CSMD1: variants seen among roughly 807,000 people sequenced by gnomAD.
CSMD1 encodes CUB and sushi domain-containing protein 1.
CSMD1 carries 213 observed loss-of-function variants against 417.5 expected under a neutral mutation model. The observed-to-expected ratio is 0.51, with a 90% CI of 0.46 to 0.57. CSMD1 has a LOEUF of 0.57. Ranked by LOEUF, CSMD1 falls within the 20% of genes least tolerant of loss-of-function variation. CSMD1 has a pLI of 0.00. For synonymous variants in CSMD1, 2,862 were observed against 1,736.8 expected (o/e 1.65, Z -16.11); for missense variants, 6,923 against 4,529.7 (o/e 1.53, Z -15.17).
intron 6 of CSMD1, among the ~76,000 whole-genome samples, chr8:3,741,758 G>A (rs1796815838): frequency 6.6e-6 from 1 of 152,068 alleles, no homozygotes; most frequent in Admixed American, 6.5e-5. Flanking sequence ...AGTGGTGGTT[G>A]AATTTATTTG....
chr8:3,972,161 T>G (rs1274825278), intron 5 of CSMD1, among the ~76,000 whole-genome samples: 1 of 152,076 alleles, frequency 6.6e-6, no homozygotes, highest in African/African-American at 2.4e-5. Flanking sequence ...TGAACCCCTG[T>G]GCCTGGCCCT....
intron 3 of CSMD1, among the ~76,000 whole-genome samples, chr8:4,124,662 T>C (rs1458239624): frequency 6.6e-6 from 1 of 152,182 alleles, no homozygotes; most frequent in Non-Finnish European, 1.5e-5. Context: ...AGGGACTAAG[T>C]GGCTAATCTG....
At chr8:3,881,307 T>G (rs1463078130) in intron 5 of CSMD1, among the ~76,000 whole-genome samples, 1 of 150,628 alleles carries the variant, frequency 6.6e-6, no homozygotes, top group Non-Finnish European at 1.5e-5. Context: ...AATATTTCCA[T>G]TGAAGCAAAG....
chr8:3,355,287 A>T (rs1432049020), intron 21 of CSMD1, among the ~76,000 whole-genome samples: 2 of 152,280 alleles, frequency 1.3e-5, no homozygotes, highest in East Asian at 3.9e-4. Flanking sequence ...TTTTTGTTCA[A>T]ATAATTCTGA....
chr8:3,334,313 G>A (rs1338662547), intron 23 of CSMD1, among the ~76,000 whole-genome samples: 1 of 152,184 alleles, frequency 6.6e-6, no homozygotes, highest in Non-Finnish European at 1.5e-5. Context: ...TTCAGCAGCT[G>A]TGTACACTTC....
chr8:2,973,679 A>T (rs950798608), intron 56 of CSMD1, among the ~76,000 whole-genome samples: 3 of 151,186 alleles, frequency 2.0e-5, no homozygotes, highest in Non-Finnish European at 4.4e-5. Flanking sequence ...AAAAAAAAAA[A>T]GTCAAAGGAG....
intron 5 of CSMD1, among the ~76,000 whole-genome samples, chr8:3,796,798 T>G (rs62479736): frequency 0.61 from 91,755 of 150,888 alleles, 29,239 homozygotes; most frequent in Middle Eastern, 0.72. Context: ...TCCATTCACT[T>G]CATTTTCATG....
chr8:4,080,240 C>G (rs1280602802), intron 3 of CSMD1, among the ~76,000 whole-genome samples: 1 of 152,164 alleles, frequency 6.6e-6, no homozygotes, highest in Non-Finnish European at 1.5e-5. Flanking sequence ...AACCCATCAT[C>G]ACTGCCTGCT....
chr8:3,664,068 C>T (rs1264578433), intron 7 of CSMD1, among the ~76,000 whole-genome samples: 7 of 152,138 alleles, frequency 4.6e-5, no homozygotes, highest in Non-Finnish European at 7.3e-5. Flanking sequence ...TTCTAGGGTA[C>T]ATGTGCACAA....
At chr8:3,088,154 C>T (rs1260815393) in intron 48 of CSMD1, among the ~76,000 whole-genome samples, 3 of 152,174 alleles carry the variant, frequency 2.0e-5, no homozygotes, top group Admixed American at 1.3e-4. Context: ...TAGAGATGGG[C>T]ATTTGTTAAA....
chr8:4,219,183 G>T (rs1024762483), intron 3 of CSMD1, among the ~76,000 whole-genome samples: 3 of 152,096 alleles, frequency 2.0e-5, no homozygotes, highest in Non-Finnish European at 4.4e-5. Flanking sequence ...CCCCTCCCGT[G>T]TTCTGCAGAA....
chr8:4,354,865 AGTGTGTGTGTGTGTGTGT>A (rs59255397), intron 3 of CSMD1, among the ~76,000 whole-genome samples: 18 of 129,504 alleles, frequency 1.4e-4, no homozygotes, highest in East Asian at 7.5e-4. Flanking sequence ...AGGAAAATGT[AGTGTGTGTGTGTGTGTGT>A]GTGTGTGTGT....
chr8:3,433,684 A>C (rs1814372942), intron 12 of CSMD1, among the ~76,000 whole-genome samples: 1 of 152,180 alleles, frequency 6.6e-6, no homozygotes, highest in African/African-American at 2.4e-5. Context: ...CTCTTAGTGG[A>C]AAGTGACAGA....
At chr8:4,121,636 A>G (rs1802493815) in intron 3 of CSMD1, among the ~76,000 whole-genome samples, 1 of 149,602 alleles carries the variant, frequency 6.7e-6, no homozygotes, top group African/African-American at 2.5e-5. Context: ...AAAAAAAAAG[A>G]AGTGGGAATT....
intron 3 of CSMD1, among the ~76,000 whole-genome samples, chr8:4,197,369 G>T (rs936764027): frequency 1.3e-4 from 20 of 152,334 alleles, no homozygotes; most frequent in Non-Finnish European, 2.8e-4. Context: ...TATTGTGGGT[G>T]TGTCTGTGGT....
intron 7 of CSMD1, among the ~76,000 whole-genome samples, chr8:3,668,200 AG>A (rs1798803925): frequency 6.6e-6 from 1 of 152,092 alleles, no homozygotes; most frequent in Non-Finnish European, 1.5e-5. Context: ...CCAGCTAATA[AG>A]GGAACATAGT....
At chr8:4,068,773 A>G (rs1563080955) in intron 3 of CSMD1, among the ~76,000 whole-genome samples, 1 of 152,246 alleles carries the variant, frequency 6.6e-6, no homozygotes, top group Admixed American at 6.5e-5. Flanking sequence ...TTTTCTGAAC[A>G]GATTAGAATA....
At chr8:4,660,624 T>C (rs1804534564) in intron 1 of CSMD1, among the ~76,000 whole-genome samples, 3 of 152,018 alleles carry the variant, frequency 2.0e-5, no homozygotes, top group Non-Finnish European at 4.4e-5. Context: ...ATATTATAAA[T>C]TATAGTTCAG....
At position 4,504,637 on chromosome 8, in the gene CSMD1, C is replaced by T. The variant is rs565655237; in HGVS notation, c.303-84572G>A. ...CCTAACGCTCTCCCTCCCCTTGGCCCCCACCTCCCGACAAACCCCAGTGTG... is the reference window on the plus strand; with the variant it reads ...CCTAACGCTCTCCCTCCCCTTGGCCTCCACCTCCCGACAAACCCCAGTGTG... On this transcript the variant is annotated intron_variant, in intron 2 of 69. Coordinates refer to ENST00000635120, the MANE Select transcript of CSMD1 (RefSeq NM_033225.6). Among the ~76,000 whole-genome samples the T allele has an allele frequency of 4.0e-4, 61 of 152,226 alleles. No individual in the cohort carries two copies. The South Asian group carries it at 7.7e-3, about 19-fold the overall frequency.
Sources: gnomAD v4.1 joint callset for allele counts (sites outside exome capture counted in the v4.1 genomes callset) on GRCh38, gnomAD v4.1.1 for gene constraint, MANE v1.5 for transcripts, NCBI Gene and HGNC (gene_info 2026-07-23, HGNC 2026-07-21) for gene names.